TTC13: variants seen among roughly 807,000 people sequenced by gnomAD.
TTC13 encodes tetratricopeptide repeat domain 13, also known as tetratricopeptide repeat protein 13.
A neutral mutation model predicts 120.0 loss-of-function variants in TTC13; 62 were observed. That is an observed-to-expected ratio of 0.52 (90% CI 0.42 to 0.64). The LOEUF (loss-of-function observed/expected upper bound fraction) is 0.64, where lower values mean the gene tolerates loss of function less well. TTC13 is among the 30% of genes least tolerant of loss of function. The pLI, the probability that TTC13 is intolerant of heterozygous loss-of-function variation, is 0.00. For missense variants in TTC13, 824 were observed against 1,050.2 expected (o/e 0.78, Z 2.98); for synonymous variants, 384 against 393.5 (o/e 0.98, Z 0.28).
intron 16 of TTC13, 84 bp from the exon 17 acceptor site, chr1:230,920,678 A>G (rs948316532): frequency 1.2e-6 from 1 of 849,960 alleles, no homozygotes; most frequent in Non-Finnish European, 1.7e-6. Flanking sequence ...TAATTTAAAT[A>G]AATTGACCTC....
chr1:230,925,447 C>A, intron 13 of TTC13, 70 bp downstream of exon 13: 1 of 1,541,030 alleles, frequency 6.5e-7, no homozygotes, highest in Non-Finnish European at 8.9e-7. Flanking sequence ...TATTAAAATG[C>A]ACAACATGGC....
At chr1:230,947,576 A>C (rs6677594) in intron 4 of TTC13, among the ~76,000 whole-genome samples, 103,399 of 151,776 alleles carry the variant, frequency 0.68, 35,311 homozygotes, top group Admixed American at 0.72. Context: ...AAAAAAAAAT[A>C]TCATAATGTT....
At chr1:230,938,822 T>G (rs1674304662) in intron 8 of TTC13, among the ~76,000 whole-genome samples, 1 of 152,184 alleles carries the variant, frequency 6.6e-6, no homozygotes, top group Admixed American at 6.5e-5. Flanking sequence ...CAAATTTAAG[T>G]CAAAATGCTT....
At chr1:230,963,366 C>T (rs1415511882) in intron 1 of TTC13, among the ~76,000 whole-genome samples, 4 of 152,022 alleles carry the variant, frequency 2.6e-5, no homozygotes, top group Admixed American at 6.6e-5. Context: ...AGGCTGGGTG[C>T]GGTGACTCAC....
intron 11 of TTC13, among the ~76,000 whole-genome samples, chr1:230,929,357 C>A (rs1673337122): frequency 6.7e-6 from 1 of 150,188 alleles, no homozygotes; most frequent in Non-Finnish European, 1.5e-5. Flanking sequence ...TGCTCCAGCC[C>A]AGGCTGGAGT....
chr1:230,916,062 A>C, intron 18 of TTC13, 131 bp downstream of exon 18: 2 of 713,454 alleles, frequency 2.8e-6, no homozygotes, highest in Non-Finnish European at 5.1e-6. Flanking sequence ...ATAACTGCTC[A>C]CTGGACCTTG....
chr1:230,937,596 T>C (rs1235464870), intron 8 of TTC13, among the ~76,000 whole-genome samples: 1 of 152,244 alleles, frequency 6.6e-6, no homozygotes, highest in Non-Finnish European at 1.5e-5. Flanking sequence ...GAGAGGTCTT[T>C]ATTAGGAGTA....
intron 1 of TTC13, among the ~76,000 whole-genome samples, chr1:230,965,422 A>G (rs1378251635): frequency 6.6e-6 from 1 of 152,248 alleles, no homozygotes; most frequent in Non-Finnish European, 1.5e-5. Context: ...ACAATGAGAT[A>G]TCATCTCACC....
intron 4 of TTC13, among the ~76,000 whole-genome samples, chr1:230,950,265 T>A (rs1383867336): frequency 6.6e-6 from 1 of 151,958 alleles, no homozygotes; most frequent in Non-Finnish European, 1.5e-5. Flanking sequence ...TTATAAAGTT[T>A]TCAGAAACTT....
At chr1:230,945,317 C>T (rs184238395) in intron 5 of TTC13, 72 bp downstream of exon 5, 26 of 1,290,962 alleles carry the variant, frequency 2.0e-5, no homozygotes, top group African/African-American at 1.8e-4. Flanking sequence ...TGAACAGTAG[C>T]AGTTCTAGCA....
chr1:230,940,364 A>C lies in TTC13; in HGVS notation c.789+76T>G. On this transcript the variant is annotated intron_variant, in intron 7 of 22. Transcript: ENST00000366661. This position sits in a 1 kb window ranked among gnomAD's most constrained non-coding sequence, Gnocchi z 4.1. ...AACAGTCAAAGCCCAAATCTATCAA[A>C]GAGTCACTTTCTGAGGTCAAGGGAA... 1 of 933,274 alleles carries C rather than the reference A, an allele frequency of 1.1e-6. No individual in the cohort carries two copies. Among genetic ancestry groups the C allele is most frequent in the South Asian group, 1.4e-5 (1 of 69,674 alleles). The allele number at this position is 933,274 out of a possible 1,614,324, so 57.8% of individuals were successfully genotyped here.
intron 1 of TTC13, among the ~76,000 whole-genome samples, chr1:230,962,601 C>T (rs559862207): frequency 6.6e-6 from 1 of 151,998 alleles, no homozygotes; most frequent in Non-Finnish European, 1.5e-5. Context: ...GTATATACCC[C>T]CAAAATTGAA....
intron 18 of TTC13, among the ~76,000 whole-genome samples, chr1:230,913,355 G>A (rs150833444): frequency 1.2e-4 from 19 of 152,266 alleles, no homozygotes; most frequent in Middle Eastern, 3.4e-3. Flanking sequence ...AGGAAGAAAC[G>A]GGGCCACAAA....
intron 3 of TTC13, among the ~76,000 whole-genome samples, 176 bp downstream of exon 3, chr1:230,958,048 T>A (rs1284306537): frequency 1.3e-5 from 2 of 152,172 alleles, no homozygotes; most frequent in Non-Finnish European, 2.9e-5. Flanking sequence ...CCTTTTTTTT[T>A]TCTCTTGACA....
chr1:230,972,821 G>A lies in TTC13; in HGVS notation c.271+5739C>T, dbSNP rs146619438. On this transcript the variant is annotated intron_variant, in intron 1 of 22. Coordinates refer to ENST00000366661, the MANE Select transcript of TTC13 (RefSeq NM_024525.5). ...TACGTGAAAAAGCGAATCATAGGCT[G>A]CCATCGTCATAGGGCTTATGCTATA... Among the ~76,000 whole-genome samples, 458 of 152,340 alleles carry A rather than the reference G, an allele frequency of 3.0e-3. 2 individuals are homozygous for A. The highest frequency in any genetic ancestry group is 0.011 in the African/African-American group (439 of 41,574).
Position 230,942,529 on chromosome 1 carries a change from T to C in TTC13, c.672+1277A>G, listed in dbSNP as rs1348482952. Among the ~76,000 whole-genome samples the C allele has an allele frequency of 2.0e-5, 3 of 152,226 alleles. No individual in the cohort carries two copies. Among genetic ancestry groups the C allele is most frequent in the Non-Finnish European group, 4.4e-5 (3 of 68,036 alleles). On this transcript the variant is annotated intron_variant, in intron 6 of 22. Transcript: ENST00000366661. The surrounding 1 kb of genome is among the most constrained non-coding windows in gnomAD (Gnocchi z 4.0). ...AAATACCATAAATACAGTTTTTAAA[T>C]TCCTATACCTTTAGCACTTCCTTTA...
intron 1 of TTC13, among the ~76,000 whole-genome samples, chr1:230,961,707 G>C (rs1157314111): frequency 6.6e-6 from 1 of 152,182 alleles, no homozygotes; most frequent in Non-Finnish European, 1.5e-5. Context: ...GAGCTTCCTG[G>C]ATGGTTAAAT....
In TTC13 at chr1:230,910,594, A is replaced by T. The variant is rs935063545; in HGVS notation, c.2309+876T>A. ...GACAATCAGAGCTGCACGTCCTTCA[A>T]TGTCACACGTGAGCCAGCAGAGCTG... is the stretch of plus-strand genomic sequence containing the variant. On this transcript the variant is annotated intron_variant, in intron 20 of 22. Coordinates refer to ENST00000366661, the MANE Select transcript of TTC13 (RefSeq NM_024525.5). 3.3e-5 allele frequency among the ~76,000 whole-genome samples: 5 copies of T among 152,370 alleles called. No individual in the cohort carries two copies. The South Asian group carries it at 1.0e-3, about 32-fold the overall frequency.
chr1:230,921,670 A>G (rs921345064), intron 15 of TTC13, among the ~76,000 whole-genome samples, 166 bp from the exon 16 acceptor site: 6 of 152,214 alleles, frequency 3.9e-5, no homozygotes, highest in African/African-American at 1.4e-4. Flanking sequence ...GGTGAAGCAA[A>G]GCACCGTCTT....
Sources: allele counts gnomAD v4.1 joint callset (sites outside exome capture counted in the v4.1 genomes callset), GRCh38; gene constraint gnomAD v4.1.1; non-coding constraint Gnocchi (gnomAD v3.1); transcripts MANE v1.5; gene names NCBI Gene and HGNC (gene_info 2026-07-23, HGNC 2026-07-21).